Variants in FER observed in about 807,000 individuals in gnomAD.
FER encodes tyrosine-protein kinase Fer.
Under a neutral mutation model 111.0 loss-of-function variants are expected in FER, and 63 were observed. The ratio of observed to expected loss-of-function variants is 0.57; its 90% CI spans 0.46 to 0.70. FER has a LOEUF of 0.70. Ranked by LOEUF, FER falls within the 30% of genes least tolerant of loss-of-function variation. FER has a pLI of 0.00. For missense variants in FER, 914 were observed against 954.0 expected (o/e 0.96, Z 0.55); for synonymous variants, 327 against 313.9 (o/e 1.04, Z -0.44).
chr5:108,790,403 A>G (rs1755236683), intron 2 of FER, among the ~76,000 whole-genome samples: 1 of 152,228 alleles, frequency 6.6e-6, no homozygotes, highest in East Asian at 1.9e-4. Flanking sequence ...CTTAGAGGAT[A>G]TCAGCTGAAT....
Position 109,189,079 on chromosome 5 carries a change from G to A in FER, c.*1504G>A, listed in dbSNP as rs1219421298. The A allele has an allele frequency of 6.6e-6, 1 of 152,148 alleles. No individual in the cohort carries two copies. Among genetic ancestry groups the A allele is most frequent in the Non-Finnish European group, 1.5e-5 (1 of 68,036 alleles). The allele number at this position is 152,148 out of a possible 1,614,324, so 9.4% of individuals were successfully genotyped here. ...CCCCTGGACATTCTTACCATTAGCT[G>A]ACAGGTATGCAAGCAGAGTGCTGAA... On this transcript the variant is annotated 3_prime_UTR_variant, in exon 20 of 20. Transcript: ENST00000281092.
chr5:109,085,936 T>G (rs1023989019), intron 16 of FER, among the ~76,000 whole-genome samples: 6 of 151,876 alleles, frequency 4.0e-5, no homozygotes, highest in Middle Eastern at 3.2e-3. Context: ...TATTGCTGCA[T>G]TCTATTAATG....
chr5:109,066,881 A>C (rs1775156042), intron 16 of FER, among the ~76,000 whole-genome samples: 1 of 152,214 alleles, frequency 6.6e-6, no homozygotes, highest in Admixed American at 6.5e-5. Flanking sequence ...ATTTATTTCA[A>C]ATTTTGATAT....
At chr5:108,913,577 C>T (rs925832317) in intron 10 of FER, among the ~76,000 whole-genome samples, 5 of 152,324 alleles carry the variant, frequency 3.3e-5, no homozygotes, top group Admixed American at 6.5e-5. Context: ...ACAACCACTA[C>T]TTTGGAAAGC....
chr5:108,995,733 G>C (rs934503644), intron 13 of FER, among the ~76,000 whole-genome samples: 1 of 152,140 alleles, frequency 6.6e-6, no homozygotes. Flanking sequence ...ACATACGTGT[G>C]CATGTGTCTT....
chr5:109,016,724 G>T, intron 13 of FER, among the ~76,000 whole-genome samples: 1 of 151,950 alleles, frequency 6.6e-6, no homozygotes, highest in Non-Finnish European at 1.5e-5. Flanking sequence ...TTCTTTATTT[G>T]AATATATACA....
Position 109,158,256 on chromosome 5 carries a change from G to A in FER, c.2049-22491G>A, listed in dbSNP as rs181891742. Among the ~76,000 whole-genome samples the A allele has an allele frequency of 5.6e-4, 85 of 151,976 alleles. 1 individual carries two copies. In the East Asian group the frequency reaches 0.016, roughly 29 times the overall value. On this transcript the variant is annotated intron_variant, in intron 17 of 19. Transcript: ENST00000281092. Reference sequence around the variant, plus strand: ...AAATTAGCCGGGCTTGGTGGCACATGCCTGTAGGTCCCATATACTGGGGGT... The same window carrying A: ...AAATTAGCCGGGCTTGGTGGCACATACCTGTAGGTCCCATATACTGGGGGT...
chr5:108,947,964 C>G (rs1757206345), intron 11 of FER, among the ~76,000 whole-genome samples: 1 of 151,862 alleles, frequency 6.6e-6, no homozygotes, highest in Non-Finnish European at 1.5e-5. Context: ...TCAAGTGATC[C>G]TCCCTCCTCG....
intron 13 of FER, among the ~76,000 whole-genome samples, chr5:108,989,037 A>G (rs1227549088): frequency 2.0e-5 from 3 of 152,052 alleles, no homozygotes; most frequent in Admixed American, 6.5e-5. Flanking sequence ...TTCATTTGCA[A>G]CGGTCATTCA....
intron 17 of FER, among the ~76,000 whole-genome samples, chr5:109,106,988 T>A (rs1161615865): frequency 6.6e-6 from 1 of 152,174 alleles, no homozygotes; most frequent in Non-Finnish European, 1.5e-5. Flanking sequence ...ATGCAGAGAC[T>A]GTTGAGGACT....
intron 5 of FER, among the ~76,000 whole-genome samples, chr5:108,867,552 C>G (rs1233157996): frequency 7.0e-6 from 1 of 143,860 alleles, no homozygotes; most frequent in Non-Finnish European, 1.5e-5. Context: ...CATTTAGTAT[C>G]CTACATGCCT....
chr5:108,966,711 C>T (rs1241448840), intron 13 of FER, among the ~76,000 whole-genome samples: 2 of 151,942 alleles, frequency 1.3e-5, no homozygotes, highest in Non-Finnish European at 1.5e-5. Context: ...TTTCTATATG[C>T]ATGGACTTTG....
intron 10 of FER, among the ~76,000 whole-genome samples, chr5:108,924,436 AG>A (rs894267901): frequency 3.3e-5 from 5 of 151,964 alleles, no homozygotes; most frequent in Non-Finnish European, 7.4e-5. Flanking sequence ...TTAATGTACA[AG>A]GATTTTCCGT....
intron 5 of FER, among the ~76,000 whole-genome samples, chr5:108,865,216 CTT>C (rs1419321328): frequency 6.6e-6 from 1 of 152,080 alleles, no homozygotes; most frequent in Non-Finnish European, 1.5e-5. Flanking sequence ...TATCCTGAGA[CTT>C]TGCTGAAGTT....
rs777925363 is a variant in FER at position 109,187,516 on chromosome 5, C to T, written c.2410C>T (p.Arg804Cys). The T allele has an allele frequency of 7.4e-6, 12 of 1,614,030 alleles. No homozygotes were observed. Among genetic ancestry groups the T allele is most frequent in the African/African-American group, 1.3e-5 (1 of 75,006 alleles). Residue 804 changes from arginine to cysteine, a missense_variant, in exon 20 of 20, where the codon CGC becomes TGC. Physicochemically the swap from Arg to Cys is radical, Grantham distance 180. Transcript: ENST00000281092. Reference protein sequence around the residue: ...MKCWDYKPENRPKFSELQKEL... With the variant: ...MKCWDYKPENCPKFSELQKEL... Reference sequence around the variant, plus strand: ...GTGTTGGGATTATAAACCTGAAAATCGCCCTAAGTTCAGTGAACTTCAGAA... The same window carrying T: ...GTGTTGGGATTATAAACCTGAAAATTGCCCTAAGTTCAGTGAACTTCAGAA...
intron 13 of FER, among the ~76,000 whole-genome samples, chr5:108,966,626 T>C (rs1399035849): frequency 6.6e-6 from 1 of 152,032 alleles, no homozygotes; most frequent in Non-Finnish European, 1.5e-5. Context: ...GACCTCATGA[T>C]CCACCCACCT....
intron 17 of FER, among the ~76,000 whole-genome samples, chr5:109,142,002 A>C (rs1416229759): frequency 6.6e-6 from 1 of 152,118 alleles, no homozygotes; most frequent in African/African-American, 2.4e-5. Context: ...TGGCCACCAG[A>C]GTGTGGATTC....
At chr5:108,804,347 G>A (rs570375905) in intron 3 of FER, among the ~76,000 whole-genome samples, 1 of 152,108 alleles carries the variant, frequency 6.6e-6, no homozygotes, top group East Asian at 1.9e-4. Context: ...TGATTGTTCT[G>A]GCTAGGACTT....
chr5:109,007,156 C>A (rs750586625), intron 13 of FER, among the ~76,000 whole-genome samples: 105 of 152,016 alleles, frequency 6.9e-4, no homozygotes, highest in Non-Finnish European at 1.2e-3. Flanking sequence ...TGGCCAAATG[C>A]AGTTTCGAAG....
Sources: gnomAD v4.1 joint callset for allele counts (sites outside exome capture counted in the v4.1 genomes callset) on GRCh38, gnomAD v4.1.1 for gene constraint, MANE v1.5 for transcripts, NCBI Gene and HGNC (gene_info 2026-07-23, HGNC 2026-07-21) for gene names.